The following CNTN5 variants were observed in gnomAD, a reference collection of about 807,000 sequenced individuals.
CNTN5 encodes the protein contactin-5.
CNTN5 carries 77 observed loss-of-function variants against 129.1 expected under a neutral mutation model. That is an observed-to-expected ratio of 0.60 (90% CI 0.50 to 0.72). The LOEUF is 0.72. Among genes scored for constraint, CNTN5 ranks in the 30% least tolerant of loss-of-function variants. The probability of loss-of-function intolerance (pLI) is 0.00; values close to 1 mark genes in which losing one functional copy is unlikely to be tolerated. For synonymous variants in CNTN5, 509 were observed against 465.6 expected, an observed-to-expected ratio of 1.09 and a Z score of -1.20; for missense variants, 1,478 against 1,328.8, an observed-to-expected ratio of 1.11 and a Z score of -1.75.
rs567375320 is a variant in CNTN5, at chr11:99,947,971, T to C, written c.674-8835T>C. ...TTAAAATTTAATTATTCGTGTTATG[T>C]ATAAATGACAATTATCCTTTGGATA... On this transcript the variant is annotated intron_variant, in intron 7 of 24. Transcript: ENST00000524871. Among the ~76,000 whole-genome samples the C allele has an allele frequency of 3.2e-4, 48 of 152,342 alleles. No individual in the cohort carries two copies. In the South Asian group the frequency reaches 9.7e-3, roughly 31 times the overall value.
chr11:100,165,485 G>A (rs1203921164), intron 13 of CNTN5, among the ~76,000 whole-genome samples: 1 of 151,762 alleles, frequency 6.6e-6, no homozygotes, highest in African/African-American at 2.4e-5. Context: ...TCTGTTAATT[G>A]TAAATAATGA....
At chr11:99,480,066 C>T (rs1340369229) in intron 2 of CNTN5, among the ~76,000 whole-genome samples, 2 of 152,074 alleles carry the variant, frequency 1.3e-5, no homozygotes, top group Non-Finnish European at 2.9e-5. Context: ...AAGGTTGTTG[C>T]TATTCAACTT....
intron 1 of CNTN5, among the ~76,000 whole-genome samples, chr11:99,110,361 A>C (rs1483176213): frequency 6.6e-6 from 1 of 152,172 alleles, no homozygotes; most frequent in African/African-American, 2.4e-5. Context: ...TTGCTGATTT[A>C]GTATGGAATA....
chr11:99,904,344 G>A (rs1172556227), intron 6 of CNTN5, among the ~76,000 whole-genome samples: 5 of 151,296 alleles, frequency 3.3e-5, no homozygotes, highest in South Asian at 4.2e-4. Context: ...CCCCGTGTCC[G>A]TGTGTTCTCA....
chr11:99,253,897 T>TTATATATATATATATATATATATATATA (rs67720359), intron 1 of CNTN5, among the ~76,000 whole-genome samples: 1 of 139,062 alleles, frequency 7.2e-6, no homozygotes, highest in African/African-American at 2.7e-5. Context: ...AAATATACGT[T>TTATATATATATATATATATATATATATA]TATATATATA....
At chr11:99,740,129 C>T (rs942934910) in intron 3 of CNTN5, among the ~76,000 whole-genome samples, 1 of 151,948 alleles carries the variant, frequency 6.6e-6, no homozygotes, top group South Asian at 2.1e-4. Context: ...AATTTTAAAG[C>T]AAAAGTGTTT....
chr11:99,862,740 A>T (rs1948246797), intron 6 of CNTN5, among the ~76,000 whole-genome samples: 1 of 152,162 alleles, frequency 6.6e-6, no homozygotes, highest in Non-Finnish European at 1.5e-5. Flanking sequence ...ATTTGAAAGG[A>T]TCTTAGTAAG....
At chr11:100,340,715 C>G (rs1591528222) in intron 22 of CNTN5, 66 bp downstream of exon 22, 2 of 1,374,442 alleles carry the variant, frequency 1.5e-6, no homozygotes, top group East Asian at 4.8e-5. Flanking sequence ...TTTCTCAAAG[C>G]CACGTGAGGT....
intron 15 of CNTN5, among the ~76,000 whole-genome samples, chr11:100,219,797 A>G (rs1949222265): frequency 6.6e-6 from 1 of 152,156 alleles, no homozygotes; most frequent in Non-Finnish European, 1.5e-5. Context: ...TTTCTTCACT[A>G]GTAGTGATTA....
intron 3 of CNTN5, among the ~76,000 whole-genome samples, chr11:99,709,737 A>G (rs1035395087): frequency 2.0e-5 from 3 of 151,840 alleles, no homozygotes; most frequent in South Asian, 2.1e-4. Flanking sequence ...AGGATTCATT[A>G]AGGTATATAA....
intron 3 of CNTN5, among the ~76,000 whole-genome samples, chr11:99,789,230 T>C (rs1270190328): frequency 6.6e-6 from 1 of 151,914 alleles, no homozygotes. Context: ...TCCCATTTTG[T>C]ACCAGACAAT....
intron 9 of CNTN5, among the ~76,000 whole-genome samples, chr11:100,033,638 C>T (rs1371158432): frequency 6.6e-6 from 1 of 152,164 alleles, no homozygotes. Flanking sequence ...CTCTTTAAAT[C>T]CTCACTAAAT....
At chr11:100,045,938 C>T (rs1321415703) in intron 9 of CNTN5, among the ~76,000 whole-genome samples, 1 of 151,806 alleles carries the variant, frequency 6.6e-6, no homozygotes, top group Non-Finnish European at 1.5e-5. Context: ...ACTTTTTTTC[C>T]TGTTATTAAC....
chr11:99,180,791 G>A (rs4316475), intron 1 of CNTN5, among the ~76,000 whole-genome samples: 143,610 of 152,236 alleles, frequency 0.94, 67,789 homozygotes, highest in East Asian at 1. Flanking sequence ...AGGAGAATTA[G>A]AAGCACAATT....
chr11:99,565,899 A>G (rs1948989414), intron 3 of CNTN5, among the ~76,000 whole-genome samples: 3 of 152,184 alleles, frequency 2.0e-5, no homozygotes, highest in African/African-American at 7.2e-5. Context: ...ACACAAAACC[A>G]TGTATGACAT....
chr11:99,848,035 A>T (rs1323197254), intron 6 of CNTN5, among the ~76,000 whole-genome samples: 2 of 152,002 alleles, frequency 1.3e-5, no homozygotes, highest in Non-Finnish European at 2.9e-5. Flanking sequence ...ACACGGTGAA[A>T]CCCATCTCTA....
chr11:99,907,529 G>A lies in CNTN5; in HGVS notation c.578-8525G>A, dbSNP rs547489490. On this transcript the variant is annotated intron_variant, in intron 6 of 24. Transcript: ENST00000524871. ...TTAGAATAATCCCCTTTATTGTTAC[G>A]TCTTGTAATACAAAGATTGGGGCTG... Among the ~76,000 whole-genome samples, 20 of 151,598 alleles carry A rather than the reference G, an allele frequency of 1.3e-4. No individual in the cohort carries two copies. In the Middle Eastern group the frequency reaches 0.01, roughly 78 times the overall value.
chr11:99,966,362 A>C (rs1286059187), intron 8 of CNTN5, among the ~76,000 whole-genome samples: 5 of 152,212 alleles, frequency 3.3e-5, no homozygotes, highest in Non-Finnish European at 1.5e-5. Context: ...CCCAGAGAGC[A>C]GGATTAAGAG....
In CNTN5 at chr11:99,221,373, T is replaced by C. The variant is rs528176240; in HGVS notation, c.-209-103973T>C. On this transcript the variant is annotated intron_variant, in intron 1 of 24. Transcript: ENST00000524871. Reference sequence around the variant, plus strand: ...GAAAAATTATTTTCCTTTAAAGTCCTATACTTTAGCTTACTACAGAATACC... The same window carrying C: ...GAAAAATTATTTTCCTTTAAAGTCCCATACTTTAGCTTACTACAGAATACC... Among the ~76,000 whole-genome samples the C allele has an allele frequency of 1.5e-4, 23 of 152,062 alleles. 1 individual carries two copies. The South Asian group carries it at 4.8e-3, about 32-fold the overall frequency.
Sources: gnomAD v4.1 joint callset for allele counts (sites outside exome capture counted in the v4.1 genomes callset) on GRCh38, gnomAD v4.1.1 for gene constraint, MANE v1.5 for transcripts, NCBI Gene and HGNC (gene_info 2026-07-23, HGNC 2026-07-21) for gene names.